NRG3: variants seen among roughly 807,000 people sequenced by gnomAD.
The protein encoded by NRG3 is pro-neuregulin-3, membrane-bound isoform.
NRG3 carries 31 observed loss-of-function variants against 66.9 expected under a neutral mutation model. The observed-to-expected ratio is 0.46, with a 90% CI of 0.35 to 0.63. NRG3 has a LOEUF of 0.63. Ranked by LOEUF, NRG3 falls within the 20% of genes least tolerant of loss-of-function variation. NRG3 has a pLI of 0.00. For missense variants in NRG3, 910 were observed against 878.9 expected (o/e 1.04, Z -0.45); for synonymous variants, 393 against 359.4 (o/e 1.09, Z -1.06).
intron 1 of NRG3, among the ~76,000 whole-genome samples, chr10:82,240,727 G>A (rs534446167): frequency 3.3e-5 from 5 of 152,258 alleles, no homozygotes; most frequent in Admixed American, 3.3e-4. Flanking sequence ...AAATGGAATG[G>A]CATTAGATCT....
chr10:82,859,722 A>T (rs550156016), intron 3 of NRG3, among the ~76,000 whole-genome samples: 2 of 152,334 alleles, frequency 1.3e-5, no homozygotes, highest in South Asian at 4.1e-4. Context: ...ATAACAATGT[A>T]TTTGCTAACA....
chr10:82,386,664 G>C (rs781018488), intron 2 of NRG3, among the ~76,000 whole-genome samples: 3 of 152,132 alleles, frequency 2.0e-5, no homozygotes, highest in Admixed American at 6.6e-5. Context: ...TACTCGGAAA[G>C]ATCCACTTTT....
intron 2 of NRG3, among the ~76,000 whole-genome samples, chr10:82,572,052 A>C (rs1378372976): frequency 6.6e-6 from 1 of 151,746 alleles, no homozygotes; most frequent in East Asian, 1.9e-4. Context: ...TTTTTTACAA[A>C]AATAACTGAC....
chr10:82,160,119 G>A (rs1008402992), intron 1 of NRG3, among the ~76,000 whole-genome samples: 1 of 151,914 alleles, frequency 6.6e-6, no homozygotes, highest in Non-Finnish European at 1.5e-5. Context: ...GTTGACAAGT[G>A]TGAATTTAAT....
intron 1 of NRG3, among the ~76,000 whole-genome samples, chr10:82,100,587 T>G (rs1194327422): frequency 6.6e-6 from 1 of 152,132 alleles, no homozygotes; most frequent in Non-Finnish European, 1.5e-5. Context: ...GTTCTGAGAT[T>G]TAATCTGTCA....
At chr10:82,583,961 C>T (rs985037073) in intron 2 of NRG3, among the ~76,000 whole-genome samples, 9 of 152,248 alleles carry the variant, frequency 5.9e-5, no homozygotes, top group South Asian at 2.1e-4. Context: ...ATTTATAACC[C>T]TTATTTATAA....
chr10:82,541,007 G>C (rs577027292), intron 2 of NRG3, among the ~76,000 whole-genome samples: 1 of 152,026 alleles, frequency 6.6e-6, no homozygotes, highest in Non-Finnish European at 1.5e-5. Flanking sequence ...GAGAGATGGC[G>C]GGTACACATG....
At chr10:82,871,290 T>A (rs1841317187) in intron 4 of NRG3, among the ~76,000 whole-genome samples, 1 of 152,126 alleles carries the variant, frequency 6.6e-6, no homozygotes, top group Admixed American at 6.5e-5. Context: ...TTGTCTTTTT[T>A]TTTTTTGCCA....
intron 2 of NRG3, among the ~76,000 whole-genome samples, chr10:82,670,876 A>C (rs1230988786): frequency 6.6e-6 from 1 of 152,204 alleles, no homozygotes; most frequent in African/African-American, 2.4e-5. Flanking sequence ...TCCTGATTGC[A>C]ACCTGGCATC....
At chr10:82,542,231 T>C (rs1376064369) in intron 2 of NRG3, among the ~76,000 whole-genome samples, 1 of 152,194 alleles carries the variant, frequency 6.6e-6, no homozygotes. Flanking sequence ...GCTTCATCCA[T>C]GTCCCTGCAA....
intron 1 of NRG3, among the ~76,000 whole-genome samples, chr10:82,351,460 A>G (rs542499621): frequency 6.6e-6 from 1 of 152,192 alleles, no homozygotes; most frequent in Non-Finnish European, 1.5e-5. Context: ...CTTTGGTGGC[A>G]TCTCTTTCAA....
At chr10:82,462,940 G>T (rs1017724247) in intron 2 of NRG3, among the ~76,000 whole-genome samples, 44 of 152,104 alleles carry the variant, frequency 2.9e-4, no homozygotes, top group Non-Finnish European at 1.5e-4. Context: ...ATAGAAAAGA[G>T]CCAGGGAGAT....
At chr10:82,869,000 T>C (rs898084570) in intron 4 of NRG3, among the ~76,000 whole-genome samples, 2 of 152,128 alleles carry the variant, frequency 1.3e-5, no homozygotes, top group East Asian at 3.9e-4. Flanking sequence ...CTAGATTTAA[T>C]TTATGATTAT....
chr10:81,944,491 A>C (rs1359537892), intron 1 of NRG3, among the ~76,000 whole-genome samples: 1 of 152,224 alleles, frequency 6.6e-6, no homozygotes, highest in African/African-American at 2.4e-5. Flanking sequence ...TAAAAACTGA[A>C]AAATTTTAGT....
intron 1 of NRG3, among the ~76,000 whole-genome samples, chr10:81,910,411 TA>T (rs1845020655): frequency 6.6e-6 from 1 of 152,182 alleles, no homozygotes; most frequent in African/African-American, 2.4e-5. Flanking sequence ...ATGTTCAAAG[TA>T]AAAATACTTC....
At chr10:82,293,292 A>G (rs1348070810) in intron 1 of NRG3, among the ~76,000 whole-genome samples, 1 of 152,006 alleles carries the variant, frequency 6.6e-6, no homozygotes, top group East Asian at 1.9e-4. Context: ...CAGTACATAC[A>G]ATATTTGTCA....
chr10:82,122,246 AC>A (rs1380285608), intron 1 of NRG3, among the ~76,000 whole-genome samples: 1 of 152,098 alleles, frequency 6.6e-6, no homozygotes, highest in African/African-American at 2.4e-5. Flanking sequence ...CTTATACCAA[AC>A]TTTTTGCATG....
chr10:82,845,526 T>C (rs2063267993), intron 3 of NRG3, among the ~76,000 whole-genome samples: 2 of 150,302 alleles, frequency 1.3e-5, no homozygotes, highest in Non-Finnish European at 3.0e-5. Flanking sequence ...AAAACATGCC[T>C]GGGCAGGCAA....
In NRG3 at chr10:82,202,932, G is replaced by A. The variant is rs182805309; in HGVS notation, c.824-155807G>A. 1.2e-4 allele frequency among the ~76,000 whole-genome samples: 19 copies of A among 152,266 alleles called. No individual in the cohort carries two copies. The East Asian group carries it at 3.7e-3, about 29-fold the overall frequency. On this transcript the variant is annotated intron_variant, in intron 1 of 8. Transcript: ENST00000372141. ...TCCCTTAGCAAAAAAGCACATTTGTGGACAACAAGCTGTTCACTTTGATTG... is the reference window on the plus strand; with the variant it reads ...TCCCTTAGCAAAAAAGCACATTTGTAGACAACAAGCTGTTCACTTTGATTG...
Sources: gnomAD v4.1 joint callset for allele counts (sites outside exome capture counted in the v4.1 genomes callset) on GRCh38, gnomAD v4.1.1 for gene constraint, MANE v1.5 for transcripts, NCBI Gene and HGNC (gene_info 2026-07-23, HGNC 2026-07-21) for gene names.